The following PLK1 variants were observed in gnomAD, a reference collection of about 807,000 sequenced individuals.
PLK1 encodes serine/threonine-protein kinase PLK1.
A neutral mutation model predicts 56.7 loss-of-function variants in PLK1; 6 were observed. That is an observed-to-expected ratio of 0.11 (90% CI 0.06 to 0.21). The LOEUF (loss-of-function observed/expected upper bound fraction) is 0.21, where lower values mean the gene tolerates loss of function less well. PLK1 is among the 10% of genes least tolerant of loss of function. The probability of loss-of-function intolerance (pLI) is 1.00; values close to 1 mark genes in which losing one functional copy is unlikely to be tolerated. For synonymous variants in PLK1, 298 were observed against 325.0 expected (o/e 0.92, Z 0.89); for missense variants, 546 against 814.4 (o/e 0.67, Z 4.01).
chr16:23,689,545 G>A lies in PLK1; in HGVS notation c.1477G>A (p.Ala493Thr). 6.2e-7 allele frequency: 1 copy of A among 1,613,622 alleles called. No individual in the cohort carries two copies. The change falls in exon 9 of 10, where the codon GCA becomes ACA. Residue 493 changes from alanine (A) to threonine (T), a missense_variant. Ala to Thr is a moderately conservative substitution (Grantham distance 58, BLOSUM62 0). Transcript: ENST00000300093. This position sits in a 1 kb window ranked among gnomAD's most constrained non-coding sequence, Gnocchi z 4.8. ...RNYMSEHLLK[A>T]GANITPREGD... is the part of the protein sequence containing the mutation. ...TTACATGAGCGAGCACTTGCTGAAG[G>A]CAGGTGCCAACATCACGCCGCGCGA...
chr16:23,679,107 T>C lies in PLK1; in HGVS notation c.175T>C (p.Leu59=), dbSNP rs766002840. 10 of 1,609,680 alleles carry C rather than the reference T, an allele frequency of 6.2e-6. No individual in the cohort carries two copies. In the South Asian group the frequency reaches 9.9e-5, roughly 16 times the overall value. The part of the protein sequence containing the change: ...SRRRYVRGRF[L]GKGGFAKCFE... ...GCGGCGCTATGTGCGGGGCCGCTTTTTGGGCAAGGGCGGCTTTGCCAAGTG... is the reference window on the plus strand; with the variant it reads ...GCGGCGCTATGTGCGGGGCCGCTTTCTGGGCAAGGGCGGCTTTGCCAAGTG... Residue 59 remains leucine (L), a synonymous_variant, in exon 1 of 10, where the codon TTG becomes CTG. Coordinates refer to ENST00000300093, the MANE Select transcript of PLK1 (RefSeq NM_005030.6).
chr16:23,680,187 G>GC lies in PLK1; in HGVS notation c.512_513insC (p.Val172SerfsTer15). 1 of 1,613,970 alleles carries GC rather than the reference G, an allele frequency of 6.2e-7. No individual in the cohort carries two copies. Among genetic ancestry groups the GC allele is most frequent in the East Asian group, 2.2e-5 (1 of 44,868 alleles). On this transcript the variant is annotated frameshift_variant, in exon 2 of 10. Transcript: ENST00000300093. LOFTEE classifies it high-confidence loss of function. ...GGCTGCCAGTACCTGCACCGAAACC[G>GC]AGTTATTCATCGAGACCTCAAGCTG...
chr16:23,684,061 C>G lies in PLK1; in HGVS notation c.1008C>G (p.Asn336Lys). 1.9e-6 allele frequency: 3 copies of G among 1,614,140 alleles called. No homozygotes were observed. The highest frequency in any genetic ancestry group is 2.5e-6 in the Non-Finnish European group (3 of 1,179,990). Reference protein sequence around the residue: ...SIAPSSLDPSNRKPLTVLNKG... With the variant: ...SIAPSSLDPSKRKPLTVLNKG... Reference sequence around the variant, plus strand: ...CTCCCAGCAGCCTGGACCCCAGCAACCGGAAGCCCCTCACAGTCCTCAATA... The same window carrying G: ...CTCCCAGCAGCCTGGACCCCAGCAAGCGGAAGCCCCTCACAGTCCTCAATA... The change falls in exon 5 of 10, where the codon AAC becomes AAG. Residue 336 changes from asparagine (N) to lysine (K), a missense_variant. By Grantham distance (94) the Asn-to-Lys change is moderately conservative (BLOSUM62 0). This residue lies in a region of PLK1 where 157 missense variants were observed against 184.0 expected (regional missense o/e 0.85). Transcript: ENST00000300093.
rs1436785460 is a variant in PLK1 at position 23,680,189 on chromosome 16, G to T, written c.514G>T (p.Val172Phe). Residue 172 changes from valine (V) to phenylalanine (F), a missense_variant, in exon 2 of 10, where the codon GTT (valine) becomes TTT (phenylalanine). Coordinates refer to ENST00000300093, the MANE Select transcript of PLK1 (RefSeq NM_005030.6). Reference protein sequence around the residue: ...LGCQYLHRNRVIHRDLKLGNL... With the variant: ...LGCQYLHRNRFIHRDLKLGNL... ...CTGCCAGTACCTGCACCGAAACCGAGTTATTCATCGAGACCTCAAGCTGGG... is the reference window on the plus strand; with the variant it reads ...CTGCCAGTACCTGCACCGAAACCGATTTATTCATCGAGACCTCAAGCTGGG... 1.9e-6 allele frequency: 3 copies of T among 1,613,890 alleles called. No individual in the cohort carries two copies. The African/African-American group carries it at 4.0e-5, about 22-fold the overall frequency.
intron 4 of PLK1, among the ~76,000 whole-genome samples, chr16:23,682,496 G>A (rs1435122934): frequency 3.3e-5 from 5 of 151,230 alleles, no homozygotes; most frequent in East Asian, 1.9e-4. Context: ...GCCACTTAGC[G>A]AGATCACATT....
chr16:23,689,416 G>A lies in PLK1; in HGVS notation c.1425+24G>A. ...AGGTGAGTGCCGTCCGGCCCATGGGGGGTGGTGTTGCAGAAGTGGGACCTG... is the reference window on the plus strand; with the variant it reads ...AGGTGAGTGCCGTCCGGCCCATGGGAGGTGGTGTTGCAGAAGTGGGACCTG... On this transcript the variant is annotated intron_variant, in intron 8 of 9. Coordinates refer to ENST00000300093, the MANE Select transcript of PLK1 (RefSeq NM_005030.6). This position sits in a 1 kb window ranked among gnomAD's most constrained non-coding sequence, Gnocchi z 4.8. The A allele has an allele frequency of 6.2e-7, 1 of 1,602,348 alleles. No individual in the cohort carries two copies. Among genetic ancestry groups the A allele is most frequent in the Non-Finnish European group, 8.5e-7 (1 of 1,170,004 alleles).
chr16:23,685,707 C>CAA (rs533223626), intron 5 of PLK1, among the ~76,000 whole-genome samples: 6 of 129,684 alleles, frequency 4.6e-5, no homozygotes, highest in African/African-American at 1.4e-4. Flanking sequence ...GACTCTGTCT[C>CAA]AAAAAAAAAA....
At position 23,689,317 on chromosome 16, in the gene PLK1, C is replaced by T; in HGVS notation, c.1350C>T (p.Ser450=). 6.2e-7 allele frequency: 1 copy of T among 1,613,948 alleles called. No homozygotes were observed. Among genetic ancestry groups the T allele is most frequent in the Non-Finnish European group, 8.5e-7 (1 of 1,179,810 alleles). Residue 450 remains serine (S), a synonymous_variant, in exon 8 of 10, where the codon AGC becomes AGT. Transcript: ENST00000300093. The surrounding 1 kb of genome is among the most constrained non-coding windows in gnomAD (Gnocchi z 4.8). ...TCATCCTCTACAATGATGGTGACAG[C>T]CTGCAGTACATAGAGCGTGACGGCA... ...TRLILYNDGD[S]LQYIERDGTE...
At chr16:23,684,922 G>T (rs56989064) in intron 5 of PLK1, among the ~76,000 whole-genome samples, 7,989 of 134,318 alleles carry the variant, frequency 0.059, 465 homozygotes, top group African/African-American at 0.15. Context: ...CCTCCCAAAG[G>T]GCTGAGATTA....
chr16:23,689,187 C>T lies in PLK1; in HGVS notation c.1271-51C>T. The T allele has an allele frequency of 6.5e-7, 1 of 1,548,418 alleles. No individual in the cohort carries two copies. Among genetic ancestry groups the T allele is most frequent in the Non-Finnish European group, 8.9e-7 (1 of 1,127,348 alleles). On this transcript the variant is annotated intron_variant, in intron 7 of 9. Transcript: ENST00000300093. This position sits in a 1 kb window ranked among gnomAD's most constrained non-coding sequence, Gnocchi z 4.8. ...GCATGTGCCACCACGCCCGGTCCCACTCCCCACTTTCTATTCCCCCTTTCT... is the reference window on the plus strand; with the variant it reads ...GCATGTGCCACCACGCCCGGTCCCATTCCCCACTTTCTATTCCCCCTTTCT...
rs764588320 is a variant in PLK1, at chr16:23,689,568, C to T, written c.1500C>T (p.Arg500=). 5.4e-5 allele frequency: 87 copies of T among 1,613,630 alleles called. No homozygotes were observed. Among genetic ancestry groups the T allele is most frequent in the Non-Finnish European group, 6.1e-5 (72 of 1,179,956 alleles). The change falls in exon 9 of 10, where the codon CGC becomes CGT. Residue 500 remains arginine, a synonymous_variant. Transcript: ENST00000300093. This position sits in a 1 kb window ranked among gnomAD's most constrained non-coding sequence, Gnocchi z 4.8. ...AGGCAGGTGCCAACATCACGCCGCG[C>T]GAAGGTGATGAGCTCGCCCGGCTGC... ...LLKAGANITP[R]EGDELARLPY...
chr16:23,678,953 A>G lies in PLK1; in HGVS notation c.21A>G (p.Ala7=), dbSNP rs767993455. 25 of 1,569,868 alleles carry G rather than the reference A, an allele frequency of 1.6e-5. No individual in the cohort carries two copies. Among genetic ancestry groups the G allele is most frequent in the Admixed American group, 7.4e-5 (4 of 54,230 alleles). MSAAVT[A]GKLARAPADP... ...GGAGCATGAGTGCTGCAGTGACTGC[A>G]GGGAAGCTGGCACGGGCACCGGCCG... Residue 7 remains alanine (A), a synonymous_variant, in exon 1 of 10, where the codon GCA becomes GCG. Coordinates refer to ENST00000300093, the MANE Select transcript of PLK1 (RefSeq NM_005030.6).
chr16:23,685,857 T>A (rs1006668696), intron 5 of PLK1, among the ~76,000 whole-genome samples: 6 of 152,040 alleles, frequency 3.9e-5, no homozygotes, highest in Non-Finnish European at 4.4e-5. Flanking sequence ...CCTAGAATGA[T>A]GTTCTAATGG....
chr16:23,689,709 C>G lies in PLK1; in HGVS notation c.1608+33C>G. On this transcript the variant is annotated intron_variant, in intron 9 of 9. Coordinates refer to ENST00000300093, the MANE Select transcript of PLK1 (RefSeq NM_005030.6). The surrounding 1 kb of genome is among the most constrained non-coding windows in gnomAD (Gnocchi z 4.8). The stretch of plus-strand genomic sequence containing the variant: ...GGAGGTCACCAGGCGCAGGAGAGAG[C>G]TGGGGTAGGCTCCGCATGCCTGGCA... 6.3e-7 allele frequency: 1 copy of G among 1,577,752 alleles called. No individual in the cohort carries two copies. Among genetic ancestry groups the G allele is most frequent in the Non-Finnish European group, 8.6e-7 (1 of 1,159,900 alleles).
chr16:23,683,979 A>C lies in PLK1; in HGVS notation c.926A>C (p.Tyr309Ser). ...LLNDEFFTSG[Y>S]IPARLPITCL... ...AATGACGAGTTCTTTACTTCTGGCT[A>C]TATCCCTGCCCGTCTCCCCATCACC... Residue 309 changes from tyrosine to serine, a missense_variant, in exon 5 of 10, where the codon TAT (tyrosine) becomes TCT (serine). Tyr to Ser is a moderately radical substitution (Grantham distance 144). Around this residue, in one of 7 missense-constraint regions of PLK1, gnomAD observed 157 missense variants for 184.0 expected, o/e 0.85. Transcript: ENST00000300093. 1 of 1,614,102 alleles carries C rather than the reference A, an allele frequency of 6.2e-7. No homozygotes were observed. Among genetic ancestry groups the C allele is most frequent in the Non-Finnish European group, 8.5e-7 (1 of 1,179,992 alleles).
At chr16:23,684,221 G>A in intron 5 of PLK1, 132 bp downstream of exon 5, 1 of 673,456 alleles carries the variant, frequency 1.5e-6, no homozygotes, top group Non-Finnish European at 2.6e-6. Flanking sequence ...TCAATCCGTG[G>A]TTCCAATGCC....
intron 5 of PLK1, among the ~76,000 whole-genome samples, chr16:23,684,831 G>A (rs1243848467): frequency 1.3e-5 from 2 of 151,252 alleles, no homozygotes; most frequent in Non-Finnish European, 2.9e-5. Flanking sequence ...CTGTTTTTTT[G>A]TATCTTTTAG....
chr16:23,679,804 T>G (rs1959303100), intron 1 of PLK1: 2 of 329,210 alleles, frequency 6.1e-6, no homozygotes, highest in East Asian at 5.0e-5. Context: ...GCTTCCGGAG[T>G]GGGGCTGAGA....
chr16:23,679,929 G>T (rs1281632687), intron 1 of PLK1, 155 bp from the exon 2 acceptor site: 2 of 594,574 alleles, frequency 3.4e-6, no homozygotes, highest in Non-Finnish European at 6.0e-6. Context: ...TGGGGTGGGG[G>T]CATAGGGAAG....
Sources: gnomAD v4.1 joint callset for allele counts (sites outside exome capture counted in the v4.1 genomes callset) on GRCh38, gnomAD v4.1.1 for gene constraint, gnomAD v4.1.1 regional missense constraint, Gnocchi (gnomAD v3.1) non-coding constraint, MANE v1.5 for transcripts, NCBI Gene and HGNC (gene_info 2026-07-23, HGNC 2026-07-21) for gene names.